FBXO3: variants seen among roughly 807,000 people sequenced by gnomAD.
FBXO3 encodes F-box protein 3.
Under a neutral mutation model 64.8 loss-of-function variants are expected in FBXO3, and 17 were observed. The observed-to-expected ratio is 0.26, with a 90% CI of 0.18 to 0.39. FBXO3 has a LOEUF of 0.39. FBXO3 is among the 10% of genes least tolerant of loss of function. FBXO3 has a pLI of 1.00. For synonymous variants in FBXO3, 182 were observed against 201.6 expected, an observed-to-expected ratio of 0.90 and a Z score of 0.82; for missense variants, 420 against 589.9, an observed-to-expected ratio of 0.71 and a Z score of 2.98.
intron 6 of FBXO3, among the ~76,000 whole-genome samples, chr11:33,752,931 A>T (rs908739759): frequency 2.0e-5 from 3 of 152,170 alleles, no homozygotes; most frequent in African/African-American, 7.2e-5. Context: ...ACCAGAGTGT[A>T]TTCTTTAAGA....
rs367716008 is a variant in FBXO3, at chr11:33,749,209, G to A, written c.933-317C>T. On this transcript the variant is annotated intron_variant, in intron 8 of 10. Coordinates refer to ENST00000265651, the MANE Select transcript of FBXO3 (RefSeq NM_012175.4). Reference sequence around the variant, plus strand: ...TCGCTGTTCAAATAAAGATCAATTTGGCAAATGCTTTCTAGAAAATAGTGC... The same window carrying A: ...TCGCTGTTCAAATAAAGATCAATTTAGCAAATGCTTTCTAGAAAATAGTGC... Among the ~76,000 whole-genome samples the A allele has an allele frequency of 1.1e-3, 161 of 152,276 alleles. 3 individuals carry two copies. In the South Asian group the frequency reaches 0.033, roughly 31 times the overall value.
rs536801445 is a variant in FBXO3 at position 33,743,252 on chromosome 11, G to A, written c.1240-1168C>T. 1 of 152,332 alleles carries A rather than the reference G, an allele frequency of 6.6e-6. No homozygotes were observed. Among genetic ancestry groups the A allele is most frequent in the African/African-American group, 2.4e-5 (1 of 41,572 alleles). The allele number at this position is 152,332 out of a possible 1,614,324, so 9.4% of individuals were successfully genotyped here. On this transcript the variant is annotated intron_variant, in intron 10 of 10. Coordinates refer to ENST00000265651, the MANE Select transcript of FBXO3 (RefSeq NM_012175.4). This position sits in a 1 kb window ranked among gnomAD's most constrained non-coding sequence, Gnocchi z 4.6. Reference sequence around the variant, plus strand: ...TATCTAAGATCAACCCACACTGGAAGGAAATGACAGCCTCTATTTTAAAAT... The same window carrying A: ...TATCTAAGATCAACCCACACTGGAAAGAAATGACAGCCTCTATTTTAAAAT...
intron 2 of FBXO3, among the ~76,000 whole-genome samples, chr11:33,769,677 G>C (rs774277156): frequency 6.6e-6 from 1 of 152,012 alleles, no homozygotes. Flanking sequence ...AGTAAGAAAG[G>C]CTTGGTAAGC....
rs964270304 is a variant in FBXO3 at position 33,743,396 on chromosome 11, C to T, written c.1240-1312G>A. ...TGTAATCAAGCCATGACTTACTCTG[C>T]TGTCAATGTTCTCTCTCACACATTT... is the stretch of plus-strand genomic sequence containing the variant. On this transcript the variant is annotated intron_variant, in intron 10 of 10. Transcript: ENST00000265651. The surrounding 1 kb of genome is among the most constrained non-coding windows in gnomAD (Gnocchi z 4.6). 3 of 152,218 alleles carry T rather than the reference C, an allele frequency of 2.0e-5. No individual in the cohort carries two copies. Among genetic ancestry groups the T allele is most frequent in the African/African-American group, 7.2e-5 (3 of 41,454 alleles). The allele number at this position is 152,218 out of a possible 1,614,324, so 9.4% of individuals were successfully genotyped here.
chr11:33,764,323 T>C (rs1855314838), intron 3 of FBXO3, among the ~76,000 whole-genome samples: 1 of 152,172 alleles, frequency 6.6e-6, no homozygotes, highest in African/African-American at 2.4e-5. Flanking sequence ...ACAATAGTGG[T>C]TGCCTCTGTG....
intron 3 of FBXO3, among the ~76,000 whole-genome samples, chr11:33,758,851 C>T (rs1463379156): frequency 6.6e-6 from 1 of 151,842 alleles, no homozygotes; most frequent in Non-Finnish European, 1.5e-5. Flanking sequence ...ATGAGATCCA[C>T]AATAATGTTT....
At chr11:33,755,511 T>G (rs1437039290) in intron 5 of FBXO3, among the ~76,000 whole-genome samples, 1 of 152,202 alleles carries the variant, frequency 6.6e-6, no homozygotes, top group African/African-American at 2.4e-5. Flanking sequence ...AAAAAGCTCC[T>G]CATTAATTTT....
chr11:33,766,428 T>A (rs1855373617), intron 3 of FBXO3, among the ~76,000 whole-genome samples: 2 of 152,228 alleles, frequency 1.3e-5, no homozygotes, highest in Non-Finnish European at 2.9e-5. Flanking sequence ...TTATGCATCA[T>A]CTTTGGCTGC....
intron 10 of FBXO3, chr11:33,746,774 G>C (rs1302044731): frequency 7.1e-7 from 1 of 1,407,428 alleles, no homozygotes; most frequent in African/African-American, 1.4e-5. Context: ...TGGAATATTT[G>C]TTTATTTGAC....
At chr11:33,768,685 G>A in intron 3 of FBXO3, 166 bp downstream of exon 3, 4 of 733,938 alleles carry the variant, frequency 5.5e-6, no homozygotes, top group South Asian at 1.6e-5. Flanking sequence ...AACAGGGTAA[G>A]CACTAGAGTG....
chr11:33,767,755 G>A (rs7127075), intron 3 of FBXO3: 16,986 of 152,176 alleles, frequency 0.11, 1,400 homozygotes, highest in African/African-American at 0.22. Flanking sequence ...GCTACTGTAA[G>A]CCCTTACCTT....
intron 9 of FBXO3, among the ~76,000 whole-genome samples, 194 bp from the exon 10 acceptor site, chr11:33,747,514 CTTT>C (rs375433121): frequency 7.1e-6 from 1 of 140,926 alleles, no homozygotes. Flanking sequence ...TTCCTCTTGA[CTTT>C]TTTTTTTTTT....
chr11:33,749,008 C>G, intron 8 of FBXO3, 116 bp from the exon 9 acceptor site: 1 of 511,894 alleles, frequency 2.0e-6, no homozygotes, highest in Non-Finnish European at 3.4e-6. Context: ...AATTAAGAAA[C>G]CCAACCCAAA....
intron 8 of FBXO3, among the ~76,000 whole-genome samples, chr11:33,749,985 T>C (rs1209738772): frequency 6.6e-6 from 1 of 151,724 alleles, no homozygotes; most frequent in Non-Finnish European, 1.5e-5. Context: ...ACATAAAATA[T>C]ATAAAAATAT....
At chr11:33,754,710 T>C (rs1213580703) in intron 5 of FBXO3, among the ~76,000 whole-genome samples, 1 of 152,028 alleles carries the variant, frequency 6.6e-6, no homozygotes, top group Non-Finnish European at 1.5e-5. Flanking sequence ...TTTCAGTAAA[T>C]GGAGAGACCA....
At chr11:33,761,186 G>A (rs1855232791) in intron 3 of FBXO3, among the ~76,000 whole-genome samples, 1 of 152,004 alleles carries the variant, frequency 6.6e-6, no homozygotes, top group Non-Finnish European at 1.5e-5. Flanking sequence ...TAATTAAGAA[G>A]ATTACAGAAA....
In FBXO3 at chr11:33,741,475, C is replaced by A. The variant is rs1277106618; in HGVS notation, c.*433G>T. Reference sequence around the variant, plus strand: ...ATCACTAAATGGATTAGCCTAATTACAAATTTTGATCATTTCTAAATAACT... The same window carrying A: ...ATCACTAAATGGATTAGCCTAATTAAAAATTTTGATCATTTCTAAATAACT... On this transcript the variant is annotated 3_prime_UTR_variant, in exon 11 of 11. Transcript: ENST00000265651. 1 of 152,992 alleles carries A rather than the reference C, an allele frequency of 6.5e-6. No homozygotes were observed. The highest frequency in any genetic ancestry group is 1.5e-5 in the Non-Finnish European group (1 of 68,336). 9.5% of individuals were successfully genotyped at this position (152,992 alleles called of 1,614,324 possible).
chr11:33,763,515 T>C (rs1416269308), intron 3 of FBXO3, among the ~76,000 whole-genome samples: 1 of 148,816 alleles, frequency 6.7e-6, no homozygotes, highest in Non-Finnish European at 1.5e-5. Flanking sequence ...ATGAGAATCA[T>C]AATGCAGACA....
At chr11:33,762,919 A>T (rs1402997542) in intron 3 of FBXO3, among the ~76,000 whole-genome samples, 1 of 152,186 alleles carries the variant, frequency 6.6e-6, no homozygotes, top group Non-Finnish European at 1.5e-5. Context: ...TAATATTAGA[A>T]ATGGAAAAGG....
Sources: allele counts gnomAD v4.1 joint callset (sites outside exome capture counted in the v4.1 genomes callset), GRCh38; gene constraint gnomAD v4.1.1; non-coding constraint Gnocchi (gnomAD v3.1); transcripts MANE v1.5; gene names NCBI Gene and HGNC (gene_info 2026-07-23, HGNC 2026-07-21).